NXPE2: variants seen among roughly 807,000 people sequenced by gnomAD.
NXPE2 encodes neurexophilin and PC-esterase domain family member 2.
In NXPE2, 34 loss-of-function variants were observed where a neutral mutation model predicts 34.4. The observed-to-expected ratio is 0.99, with a 90% CI of 0.75 to 1.31. NXPE2 has a LOEUF of 1.31. Ranked by LOEUF, NXPE2 falls within the 40% of genes most tolerant of loss-of-function variation. The pLI is 0.00. For missense variants in NXPE2, 649 were observed against 672.5 expected, an observed-to-expected ratio of 0.97 and a Z score of 0.39; for synonymous variants, 235 against 231.3, an observed-to-expected ratio of 1.02 and a Z score of -0.15.
the NXPE2 span, among the ~76,000 whole-genome samples, chr11:114,524,419 G>A: frequency 6.6e-6 from 1 of 152,194 alleles, no homozygotes; most frequent in Non-Finnish European, 1.5e-5. Flanking sequence ...TTACATGGTT[G>A]TATTGTATTT....
the NXPE2 span, among the ~76,000 whole-genome samples, chr11:114,614,209 T>C: frequency 3.3e-5 from 5 of 152,028 alleles, no homozygotes; most frequent in South Asian, 1.0e-3. Flanking sequence ...GTAATGTTAA[T>C]GGATAATAAG....
the NXPE2 span, among the ~76,000 whole-genome samples, chr11:114,491,059 G>A: frequency 0.14 from 21,259 of 147,022 alleles, 1,777 homozygotes; most frequent in South Asian, 0.22. Flanking sequence ...CTACTTGGGA[G>A]GCTGAGACAG....
the NXPE2 span, among the ~76,000 whole-genome samples, chr11:114,621,470 G>A: frequency 6.6e-6 from 1 of 152,076 alleles, no homozygotes. Flanking sequence ...AATAAGTATT[G>A]CCTCATGGGT....
At chr11:114,628,060 CG>C in the NXPE2 span, among the ~76,000 whole-genome samples, 3 of 150,146 alleles carry the variant, frequency 2.0e-5, no homozygotes, top group Non-Finnish European at 4.4e-5. Flanking sequence ...GACTCCCACA[CG>C]TTAATAATGG....
At chr11:114,592,757 G>C in the NXPE2 span, among the ~76,000 whole-genome samples, 29 of 152,158 alleles carry the variant, frequency 1.9e-4, no homozygotes, top group African/African-American at 5.8e-4. Flanking sequence ...GCTGAAGGCA[G>C]TATATTACCT....
the NXPE2 span, among the ~76,000 whole-genome samples, chr11:114,745,147 A>G: frequency 6.6e-6 from 1 of 152,140 alleles, no homozygotes; most frequent in African/African-American, 2.4e-5. Flanking sequence ...AAGCTTTAAG[A>G]TCTGTCTTAG....
the NXPE2 span, among the ~76,000 whole-genome samples, chr11:114,613,418 G>T: frequency 6.6e-6 from 1 of 151,824 alleles, no homozygotes; most frequent in Non-Finnish European, 1.5e-5. Context: ...ACTGTTACCT[G>T]GTGGATAATA....
chr11:114,500,614 A>G, the NXPE2 span, among the ~76,000 whole-genome samples: 3 of 152,020 alleles, frequency 2.0e-5, no homozygotes, highest in Non-Finnish European at 4.4e-5. Flanking sequence ...CTTAGTTTTA[A>G]TGCAGTTCAT....
the NXPE2 span, among the ~76,000 whole-genome samples, chr11:114,772,908 T>C: frequency 2.0e-5 from 3 of 152,164 alleles, no homozygotes; most frequent in Admixed American, 2.0e-4. Flanking sequence ...AACCAGACCT[T>C]GTTTTCATCC....
the NXPE2 span, among the ~76,000 whole-genome samples, chr11:114,614,475 TGCCTTTG>T: frequency 6.6e-6 from 1 of 151,782 alleles, no homozygotes; most frequent in Non-Finnish European, 1.5e-5. Context: ...TGACAAGTGT[TGCCTTTG>T]GTAAGCACAG....
At chr11:114,655,848 G>T in the NXPE2 span, among the ~76,000 whole-genome samples, 3 of 152,024 alleles carry the variant, frequency 2.0e-5, no homozygotes, top group Admixed American at 6.6e-5. Flanking sequence ...ATACTGAATG[G>T]GCAAAAGCTG....
rs996423357 is a variant in NXPE2, at chr11:114,707,064, A to G, written c.*134A>G. The G allele has an allele frequency of 1.4e-5, 9 of 666,330 alleles. No homozygotes were observed. Among genetic ancestry groups the G allele is most frequent in the Admixed American group, 9.0e-5 (3 of 33,498 alleles). The allele number at this position is 666,330 out of a possible 1,614,324, so 41.3% of individuals were successfully genotyped here. On this transcript the variant is annotated 3_prime_UTR_variant, in exon 6 of 6. Transcript: ENST00000389586. ...TCTATTAAAGTTAAATATATGTAAC[A>G]TAACATTTACCATTTAAGCCATTTT...
the NXPE2 span, among the ~76,000 whole-genome samples, chr11:114,623,945 G>A: frequency 6.6e-6 from 1 of 152,060 alleles, no homozygotes; most frequent in South Asian, 2.1e-4. Flanking sequence ...GACCTCTGGG[G>A]TAACCACTGT....
the NXPE2 span, chr11:114,571,535 A>G: frequency 1.0e-5 from 14 of 1,391,070 alleles, no homozygotes; most frequent in Non-Finnish European, 1.3e-5. Context: ...TTGAGTAGAT[A>G]TAAAGATGGA....
chr11:114,746,478 T>C, the NXPE2 span, among the ~76,000 whole-genome samples: 1 of 152,142 alleles, frequency 6.6e-6, no homozygotes, highest in Non-Finnish European at 1.5e-5. Context: ...TGAGAAAACA[T>C]AAATTCAAAG....
the NXPE2 span, among the ~76,000 whole-genome samples, chr11:114,602,430 AATT>A: frequency 7.5e-6 from 1 of 133,610 alleles, no homozygotes; most frequent in Non-Finnish European, 1.5e-5. Context: ...CAATAAATGT[AATT>A]ATAATATATA....
the NXPE2 span, among the ~76,000 whole-genome samples, chr11:114,652,412 A>C: frequency 9.8e-5 from 15 of 152,346 alleles, no homozygotes; most frequent in African/African-American, 3.6e-4. Context: ...TTCAGTGTCC[A>C]GAGTGAGATT....
At chr11:114,766,797 C>T in the NXPE2 span, among the ~76,000 whole-genome samples, 2 of 152,018 alleles carry the variant, frequency 1.3e-5, no homozygotes, top group Non-Finnish European at 2.9e-5. Context: ...ATATGTTATT[C>T]TTTTCTTTCC....
the NXPE2 span, among the ~76,000 whole-genome samples, chr11:114,567,596 CT>C: frequency 1.6e-4 from 25 of 151,934 alleles, no homozygotes; most frequent in African/African-American, 5.6e-4. Flanking sequence ...TTTAGTAATT[CT>C]TTATATCAAA....
Sources: gnomAD v4.1 joint callset for allele counts (sites outside exome capture counted in the v4.1 genomes callset) on GRCh38, gnomAD v4.1.1 for gene constraint, MANE v1.5 for transcripts, NCBI Gene and HGNC (gene_info 2026-07-23, HGNC 2026-07-21) for gene names.